Variants in CERS6 observed in about 807,000 individuals in gnomAD.
CERS6 encodes the protein ceramide synthase 6, also known as LAG1 homolog, ceramide synthase 6.
CERS6 carries 26 observed loss-of-function variants against 56.8 expected under a neutral mutation model. The ratio of observed to expected loss-of-function variants is 0.46; its 90% CI spans 0.34 to 0.63. CERS6 has a LOEUF of 0.63. Ranked by LOEUF, CERS6 falls within the 30% of genes least tolerant of loss-of-function variation. The pLI, the probability that CERS6 is intolerant of heterozygous loss-of-function variation, is 0.01. For synonymous variants in CERS6, 164 were observed against 173.3 expected (o/e 0.95, Z 0.42); for missense variants, 415 against 467.5 (o/e 0.89, Z 1.04).
chr2:168,598,566 C>T (rs953790793), intron 3 of CERS6, among the ~76,000 whole-genome samples: 7 of 151,290 alleles, frequency 4.6e-5, no homozygotes, highest in African/African-American at 1.2e-4. Flanking sequence ...ACTCGTAAAC[C>T]CTAAATGATT....
At chr2:168,721,572 A>T (rs1559067166) in intron 8 of CERS6, among the ~76,000 whole-genome samples, 1 of 98,246 alleles carries the variant, frequency 1.0e-5, no homozygotes, top group Non-Finnish European at 2.3e-5. Flanking sequence ...TTTTGTTTAA[A>T]AAAAACCAAA....
intron 4 of CERS6, among the ~76,000 whole-genome samples, chr2:168,683,833 G>A (rs1037954930): frequency 6.6e-6 from 1 of 152,188 alleles, no homozygotes; most frequent in Admixed American, 6.5e-5. Context: ...ACCCTGAGCT[G>A]TAGTGTGCAT....
chr2:168,763,410 G>GATTTTTT (rs113878585), intron 8 of CERS6, among the ~76,000 whole-genome samples: 3 of 151,288 alleles, frequency 2.0e-5, no homozygotes, highest in Non-Finnish European at 3.0e-5. Flanking sequence ...ACACTCGGCT[G>GATTTTTT]ATTTTTTATT....
intron 1 of CERS6, among the ~76,000 whole-genome samples, chr2:168,460,959 C>T (rs1435222251): frequency 6.6e-6 from 1 of 151,874 alleles, no homozygotes; most frequent in Non-Finnish European, 1.5e-5. Context: ...TTGGGTGAGG[C>T]CTTCTAGGAT....
chr2:168,519,694 G>A (rs1694944394), intron 1 of CERS6, among the ~76,000 whole-genome samples: 1 of 152,202 alleles, frequency 6.6e-6, no homozygotes, highest in Non-Finnish European at 1.5e-5. Flanking sequence ...CTACATCAAC[G>A]TTGCTGCAAA....
At chr2:168,694,338 T>C (rs569660285) in intron 5 of CERS6, among the ~76,000 whole-genome samples, 2 of 152,194 alleles carry the variant, frequency 1.3e-5, no homozygotes, top group Non-Finnish European at 2.9e-5. Flanking sequence ...GTTTTATACC[T>C]GCTGAGCTGT....
chr2:168,484,428 G>A (rs1174480381), intron 1 of CERS6, among the ~76,000 whole-genome samples: 1 of 151,562 alleles, frequency 6.6e-6, no homozygotes, highest in African/African-American at 2.4e-5. Context: ...TGATCCACTT[G>A]CCTTGGCCTC....
intron 8 of CERS6, among the ~76,000 whole-genome samples, chr2:168,732,424 A>G (rs1468408624): frequency 1.3e-5 from 2 of 152,160 alleles, no homozygotes; most frequent in Admixed American, 6.5e-5. Flanking sequence ...ACCTTCATAA[A>G]TGGCCCTCCC....
At chr2:168,754,449 G>GTA (rs1362448223) in intron 8 of CERS6, among the ~76,000 whole-genome samples, 2 of 152,178 alleles carry the variant, frequency 1.3e-5, no homozygotes, top group Admixed American at 6.5e-5. Context: ...CCTGGATGTG[G>GTA]TAGAGAAGTC....
intron 4 of CERS6, among the ~76,000 whole-genome samples, chr2:168,638,476 T>C (rs78242526): frequency 6.6e-6 from 1 of 151,934 alleles, no homozygotes; most frequent in Non-Finnish European, 1.5e-5. Context: ...CCAAAACATG[T>C]ACAACTACTA....
intron 1 of CERS6, among the ~76,000 whole-genome samples, chr2:168,457,832 G>A (rs1693701387): frequency 6.6e-6 from 1 of 152,008 alleles, no homozygotes; most frequent in Admixed American, 6.6e-5. Flanking sequence ...AGCTTCATGG[G>A]GACAAAAAGT....
chr2:168,515,692 C>T (rs1162452178), intron 1 of CERS6, among the ~76,000 whole-genome samples: 3 of 152,188 alleles, frequency 2.0e-5, no homozygotes, highest in Admixed American at 6.5e-5. Flanking sequence ...AGAAGGAATG[C>T]GGTATTTTAG....
chr2:168,670,502 C>T (rs896626854), intron 4 of CERS6, among the ~76,000 whole-genome samples: 2 of 152,186 alleles, frequency 1.3e-5, no homozygotes, highest in African/African-American at 2.4e-5. Flanking sequence ...CAGTGGTGAA[C>T]TTTTTGCCAG....
At chr2:168,685,413 G>A (rs537697615) in intron 4 of CERS6, among the ~76,000 whole-genome samples, 1 of 152,100 alleles carries the variant, frequency 6.6e-6, no homozygotes, top group Non-Finnish European at 1.5e-5. Flanking sequence ...CCACTTGCCT[G>A]GTTAATCAGA....
chr2:168,767,013 C>T (rs973282927), intron 9 of CERS6, among the ~76,000 whole-genome samples: 9 of 152,232 alleles, frequency 5.9e-5, no homozygotes, highest in Middle Eastern at 3.2e-3. Context: ...TCCTTGTCCT[C>T]ATTTGGATAC....
At chr2:168,492,429 T>C (rs748623635) in intron 1 of CERS6, among the ~76,000 whole-genome samples, 89 of 152,346 alleles carry the variant, frequency 5.8e-4, no homozygotes, top group Middle Eastern at 6.8e-3. Context: ...TTGAGAAGTG[T>C]CTGTTCATAT....
intron 8 of CERS6, among the ~76,000 whole-genome samples, chr2:168,745,347 T>A (rs540133929): frequency 2.9e-4 from 44 of 152,162 alleles, no homozygotes; most frequent in African/African-American, 8.7e-4. Context: ...GTTCACGCCA[T>A]TCTCCTGCCT....
intron 8 of CERS6, among the ~76,000 whole-genome samples, chr2:168,752,107 T>G (rs1684287649): frequency 6.6e-6 from 1 of 152,082 alleles, no homozygotes; most frequent in Admixed American, 6.6e-5. Context: ...GTCATTTTTG[T>G]GTTTAATATT....
intron 4 of CERS6, among the ~76,000 whole-genome samples, chr2:168,631,837 TTATATAA>T (rs1206785238): frequency 7.7e-6 from 1 of 129,048 alleles, no homozygotes; most frequent in Non-Finnish European, 1.6e-5. Context: ...ATAATATATA[TTATATAA>T]TATATATTAT....
Sources: allele counts gnomAD v4.1 joint callset (sites outside exome capture counted in the v4.1 genomes callset), GRCh38; gene constraint gnomAD v4.1.1; transcripts MANE v1.5; gene names NCBI Gene and HGNC (gene_info 2026-07-23, HGNC 2026-07-21).